CSTF3: variants seen among roughly 807,000 people sequenced by gnomAD.
CSTF3 encodes the protein cleavage stimulation factor subunit 3, also known as CF-1 77 kDa subunit.
Under a neutral mutation model 105.8 loss-of-function variants are expected in CSTF3, and 29 were observed. That is an observed-to-expected ratio of 0.27 (90% CI 0.20 to 0.37). The LOEUF is 0.37. Ranked by LOEUF, CSTF3 falls within the 10% of genes least tolerant of loss-of-function variation. The probability of loss-of-function intolerance (pLI) is 1.00; values close to 1 mark genes in which losing one functional copy is unlikely to be tolerated. For missense variants in CSTF3, 357 were observed against 879.3 expected (o/e 0.41, Z 7.51); for synonymous variants, 252 against 281.9 (o/e 0.89, Z 1.06).
At chr11:33,159,868 T>C (rs956945388) in intron 1 of CSTF3, among the ~76,000 whole-genome samples, 5 of 152,100 alleles carry the variant, frequency 3.3e-5, no homozygotes, top group African/African-American at 1.2e-4. Context: ...CACTTTTCTT[T>C]CAACTTTTCT....
chr11:33,149,676 G>C (rs980328489), intron 1 of CSTF3, among the ~76,000 whole-genome samples: 1 of 152,194 alleles, frequency 6.6e-6, no homozygotes, highest in Non-Finnish European at 1.5e-5. Flanking sequence ...TCGAGGTCAG[G>C]AGTTCAAGAC....
chr11:33,152,698 C>T (rs753642852), intron 1 of CSTF3, among the ~76,000 whole-genome samples: 1 of 152,142 alleles, frequency 6.6e-6, no homozygotes, highest in Non-Finnish European at 1.5e-5. Flanking sequence ...CGGTGACTCA[C>T]GCCTGTAATC....
At chr11:33,118,903 A>G (rs1339137460) in intron 3 of CSTF3, among the ~76,000 whole-genome samples, 1 of 151,882 alleles carries the variant, frequency 6.6e-6, no homozygotes, top group Non-Finnish European at 1.5e-5. Context: ...TTTATGAACT[A>G]TCATCTTAAT....
chr11:33,132,389 G>GA (rs894151453), intron 3 of CSTF3, among the ~76,000 whole-genome samples: 51 of 143,460 alleles, frequency 3.6e-4, no homozygotes, highest in Middle Eastern at 3.5e-3. Context: ...TTCTGTTGAA[G>GA]AAAAAAAAAA....
intron 3 of CSTF3, among the ~76,000 whole-genome samples, chr11:33,113,349 T>A (rs1855399441): frequency 6.6e-6 from 1 of 152,118 alleles, no homozygotes; most frequent in South Asian, 2.1e-4. Context: ...TGACAGAGGC[T>A]CTTAATAGAA....
chr11:33,157,260 C>A (rs1849878721), intron 1 of CSTF3, among the ~76,000 whole-genome samples: 1 of 152,132 alleles, frequency 6.6e-6, no homozygotes, highest in Admixed American at 6.5e-5. Context: ...GAGGCTGAGG[C>A]AGGAGAATTG....
intron 3 of CSTF3, among the ~76,000 whole-genome samples, chr11:33,139,600 A>G (rs529831550): frequency 6.6e-6 from 1 of 152,094 alleles, no homozygotes; most frequent in South Asian, 2.1e-4. Context: ...GGAAAGAGAA[A>G]AACACAGCTC....
At chr11:33,133,842 T>C (rs1365186635) in intron 3 of CSTF3, among the ~76,000 whole-genome samples, 2 of 152,126 alleles carry the variant, frequency 1.3e-5, no homozygotes, top group African/African-American at 2.4e-5. Context: ...CTGTTCCACA[T>C]TGAAGGAGAC....
At position 33,084,955 on chromosome 11, in the gene CSTF3, T is replaced by C. The variant is rs1402845615; in HGVS notation, c.*132A>G. ...TTGGTTTGTTTTTTCTCAAGAACCA[T>C]GTGATAGAGGCACCAATGACAATAC... On this transcript the variant is annotated 3_prime_UTR_variant, in exon 21 of 21. Coordinates refer to ENST00000323959, the MANE Select transcript of CSTF3 (RefSeq NM_001326.3). 8 of 948,668 alleles carry C rather than the reference T, an allele frequency of 8.4e-6. No homozygotes were observed. Among genetic ancestry groups the C allele is most frequent in the Non-Finnish European group, 1.1e-5 (7 of 610,526 alleles). The allele number at this position is 948,668 out of a possible 1,614,324, so 58.8% of individuals were successfully genotyped here.
Position 33,156,589 on chromosome 11 carries a change from G to A in CSTF3, c.27+4710C>T, listed in dbSNP as rs1295976876. 7 of 399,054 alleles carry A rather than the reference G, an allele frequency of 1.8e-5. No individual in the cohort carries two copies. In the East Asian group the frequency reaches 3.9e-4, roughly 22 times the overall value. 24.7% of individuals were successfully genotyped at this position (399,054 alleles called of 1,614,324 possible). A position where few individuals can be genotyped will look rare whatever the true frequency, so the allele number is the denominator to read the frequency against. On this transcript the variant is annotated intron_variant, in intron 1 of 20. Coordinates refer to ENST00000323959, the MANE Select transcript of CSTF3 (RefSeq NM_001326.3). The stretch of plus-strand genomic sequence containing the variant: ...TAAGAACTACCAGCAATTAATTTGC[G>A]CTTCTTAGAATCATGTAGCTTTTCC...
Position 33,098,693 on chromosome 11 carries a change from G to C in CSTF3, c.1125C>G (p.Thr375=). ...AAAGATTTGTAAAGTTACTCACCAA[G>C]GTAGGGTCAATATCCTCAATTGCCA... ...RLLAIEDIDP[T]LVYIQYMKFA... is the part of the protein sequence containing the mutation. The change falls in exon 13 of 21, where the codon ACC becomes ACG. Residue 375 remains threonine (T), a synonymous_variant. Transcript: ENST00000323959. The C allele has an allele frequency of 6.4e-7, 1 of 1,574,716 alleles. No individual in the cohort carries two copies. The highest frequency in any genetic ancestry group is 2.3e-5 in the East Asian group (1 of 43,372).
Position 33,102,353 on chromosome 11 carries a change from AT to A in CSTF3, c.664-15del. 1 of 1,613,326 alleles carries A rather than the reference AT, an allele frequency of 6.2e-7. No homozygotes were observed. The highest frequency in any genetic ancestry group is 1.1e-5 in the South Asian group (1 of 91,010). Reference sequence around the variant, plus strand: ...TGTCTCATATTCCTAGACAACAAGGATTTAGAATTCTTTGGTGAGCCAGGAA... The same window carrying A: ...TGTCTCATATTCCTAGACAACAAGGATTAGAATTCTTTGGTGAGCCAGGAA... On this transcript the variant is annotated splice_polypyrimidine_tract_variant and intron_variant, in intron 9 of 20. Transcript: ENST00000323959.
At chr11:33,158,351 T>G (rs1292192256) in intron 1 of CSTF3, among the ~76,000 whole-genome samples, 1 of 152,022 alleles carries the variant, frequency 6.6e-6, no homozygotes, top group East Asian at 1.9e-4. Flanking sequence ...ACTAACACAC[T>G]AAGAGAAATC....
intron 1 of CSTF3, among the ~76,000 whole-genome samples, chr11:33,150,782 G>A (rs926467101): frequency 3.3e-5 from 5 of 151,968 alleles, no homozygotes; most frequent in Non-Finnish European, 7.4e-5. Context: ...CTTGAGCCCA[G>A]GAGGTGTTGG....
At chr11:33,095,819 C>CAAATAAATAAATAAATAAAT (rs61377553) in intron 15 of CSTF3, among the ~76,000 whole-genome samples, 15 of 146,138 alleles carry the variant, frequency 1.0e-4, no homozygotes, top group African/African-American at 1.5e-4. Flanking sequence ...GACTCTGTCT[C>CAAATAAATAAATAAATAAAT]AAATAAATAA....
Position 33,103,294 on chromosome 11 carries a change from TTTC to T in CSTF3, c.586-113_586-111del, listed in dbSNP as rs1249748460. The T allele has an allele frequency of 9.5e-6, 5 of 529,032 alleles. No individual in the cohort carries two copies. The Admixed American group carries it at 1.2e-4, about 13-fold the overall frequency. 32.8% of individuals were successfully genotyped at this position (529,032 alleles called of 1,614,324 possible). A position where few individuals can be genotyped will look rare whatever the true frequency, so the allele number is the denominator to read the frequency against. On this transcript the variant is annotated intron_variant, in intron 8 of 20. Coordinates refer to ENST00000323959, the MANE Select transcript of CSTF3 (RefSeq NM_001326.3). Reference sequence around the variant, plus strand: ...AACTTTAAATTTTTATTTTAAAAGATTTCTTGTTTAATAAAGGTTCATACAGCT... The same window carrying T: ...AACTTTAAATTTTTATTTTAAAAGATTTGTTTAATAAAGGTTCATACAGCT...
At chr11:33,140,877 A>C (rs1189509858) in intron 3 of CSTF3, 1 of 152,058 alleles carries the variant, frequency 6.6e-6, no homozygotes, top group Non-Finnish European at 1.5e-5. Flanking sequence ...AATTTATATT[A>C]ATAACCTGAA....
At chr11:33,142,078 T>G in intron 1 of CSTF3, 92 bp from the exon 2 acceptor site, 1 of 1,566,344 alleles carries the variant, frequency 6.4e-7, no homozygotes, top group Non-Finnish European at 8.6e-7. Context: ...TCAGATGCAA[T>G]GTCACATTAC....
chr11:33,097,732 A>G (rs1002583080), intron 13 of CSTF3, among the ~76,000 whole-genome samples: 12 of 152,152 alleles, frequency 7.9e-5, no homozygotes, highest in Non-Finnish European at 1.5e-4. Context: ...CTATTTTCCG[A>G]ACAACATATA....
Sources: gnomAD v4.1 joint callset for allele counts (sites outside exome capture counted in the v4.1 genomes callset) on GRCh38, gnomAD v4.1.1 for gene constraint, MANE v1.5 for transcripts, NCBI Gene and HGNC (gene_info 2026-07-23, HGNC 2026-07-21) for gene names.